Variants in UBR7 observed in about 807,000 individuals in gnomAD.
The protein encoded by UBR7 is putative E3 ubiquitin-protein ligase UBR7.
In UBR7, 22 loss-of-function variants were observed where a neutral mutation model predicts 57.0. That is an observed-to-expected ratio of 0.39 (90% CI 0.28 to 0.55). The LOEUF (loss-of-function observed/expected upper bound fraction) is 0.55, where lower values mean the gene tolerates loss of function less well. Ranked by LOEUF, UBR7 falls within the 20% of genes least tolerant of loss-of-function variation. UBR7 has a pLI of 0.69. For missense variants in UBR7, 395 were observed against 513.2 expected (o/e 0.77, Z 2.23); for synonymous variants, 167 against 179.8 (o/e 0.93, Z 0.57).
intron 6 of UBR7, among the ~76,000 whole-genome samples, chr14:93,215,505 A>G (rs1037485406): frequency 6.6e-6 from 1 of 152,142 alleles, no homozygotes. Context: ...CCTGGCCAAC[A>G]TGGCGAAACC....
rs998372358 is a variant in UBR7, at chr14:93,228,970, CTT to C, written c.*1941_*1942del. On this transcript the variant is annotated 3_prime_UTR_variant, in exon 11 of 11. Transcript: ENST00000013070. ...CTTCTTTCACATTAACTGGAAACCT[CTT>C]TTTTTACCTGTTGTTCACAACTAGT... is the stretch of plus-strand genomic sequence containing the variant. 1 of 453,890 alleles carries C rather than the reference CTT, an allele frequency of 2.2e-6. No homozygotes were observed. Among genetic ancestry groups the C allele is most frequent in the African/African-American group, 2.0e-5 (1 of 49,986 alleles). 28.1% of individuals were successfully genotyped at this position (453,890 alleles called of 1,614,324 possible).
At chr14:93,216,377 TAAATC>T (rs1292695436) in intron 6 of UBR7, among the ~76,000 whole-genome samples, 3 of 152,078 alleles carry the variant, frequency 2.0e-5, no homozygotes, top group Non-Finnish European at 4.4e-5. Flanking sequence ...ACTAAGAAAT[TAAATC>T]AAAACAACTA....
intron 10 of UBR7, chr14:93,223,761 G>A (rs376327091): frequency 1.3e-5 from 10 of 752,526 alleles, no homozygotes; most frequent in Middle Eastern, 3.6e-4. Context: ...TCAGGATCTC[G>A]ATGGAATGGG....
At chr14:93,210,798 C>A in intron 3 of UBR7, 90 bp downstream of exon 3, 2 of 1,122,754 alleles carry the variant, frequency 1.8e-6, no homozygotes, top group Non-Finnish European at 2.6e-6. Flanking sequence ...CTGTATTTTC[C>A]AAAAAAAGAA....
chr14:93,219,554 T>G (rs1221860117), intron 8 of UBR7, among the ~76,000 whole-genome samples, 193 bp downstream of exon 8: 1 of 152,244 alleles, frequency 6.6e-6, no homozygotes, highest in Non-Finnish European at 1.5e-5. Context: ...ATTTATGACA[T>G]AGTACTTACA....
At chr14:93,208,946 C>T (rs1238536043) in intron 1 of UBR7, among the ~76,000 whole-genome samples, 3 of 151,972 alleles carry the variant, frequency 2.0e-5, no homozygotes, top group African/African-American at 7.3e-5. Context: ...AACAGGCGCC[C>T]GCCATCACGT....
At position 93,212,429 on chromosome 14, in the gene UBR7, C is replaced by T. The variant is rs143642557; in HGVS notation, c.441+302C>T. Among the ~76,000 whole-genome samples the T allele has an allele frequency of 2.2e-3, 338 of 152,284 alleles. 9 individuals carry two copies. Among genetic ancestry groups the T allele is most frequent in the East Asian group, 0.02 (104 of 5,190 alleles). ...TCCCCAAACACTTTCTAAGAAATGA[C>T]CTTCAACTTCTTTTGTCTCTTTACG... On this transcript the variant is annotated intron_variant, in intron 4 of 10. Transcript: ENST00000013070.
intron 9 of UBR7, 88 bp from the exon 10 acceptor site, chr14:93,222,225 C>A: frequency 1.1e-6 from 1 of 890,124 alleles, no homozygotes. Context: ...ACATTATTAA[C>A]AGACTCAGGT....
chr14:93,223,398 A>AG (rs1261256916), intron 10 of UBR7, among the ~76,000 whole-genome samples: 94 of 150,458 alleles, frequency 6.2e-4, no homozygotes, highest in African/African-American at 2.2e-3. Flanking sequence ...CCATCTCAAA[A>AG]AAAAAAAAAA....
chr14:93,222,385 T>C lies in UBR7; in HGVS notation c.1185+11T>C, dbSNP rs1342583658. On this transcript the variant is annotated intron_variant, in intron 10 of 10. Transcript: ENST00000013070. ...GCTGATGAAGGCACGGTATGTTGAG[T>C]TAAAGAATTCTAATCATAGCCCTGT... 1.9e-6 allele frequency: 3 copies of C among 1,582,368 alleles called. No homozygotes were observed. Among genetic ancestry groups the C allele is most frequent in the African/African-American group, 2.7e-5 (2 of 74,278 alleles).
chr14:93,209,964 A>G lies in UBR7; in HGVS notation c.284+7A>G. On this transcript the variant is annotated splice_region_variant and intron_variant, in intron 2 of 10. Coordinates refer to ENST00000013070, the MANE Select transcript of UBR7 (RefSeq NM_175748.4). ...TTGAGCTATACACAAAAAGGTAAAC[A>G]TAGTCAAGAGATTGTTACTAAATGC... 2 of 1,613,824 alleles carry G rather than the reference A, an allele frequency of 1.2e-6. No individual in the cohort carries two copies. Among genetic ancestry groups the G allele is most frequent in the South Asian group, 2.2e-5 (2 of 91,078 alleles).
At chr14:93,207,487 C>G (rs1344972661) in intron 1 of UBR7, 46 bp downstream of exon 1, 12 of 1,501,130 alleles carry the variant, frequency 8.0e-6, no homozygotes, top group African/African-American at 1.4e-5. Context: ...CCCGCCGAAC[C>G]TCCCCTTCCC....
intron 6 of UBR7, among the ~76,000 whole-genome samples, chr14:93,215,860 T>C (rs1894580741): frequency 6.6e-6 from 1 of 152,110 alleles, no homozygotes; most frequent in South Asian, 2.1e-4. Context: ...TTTTGAAAGA[T>C]AAATAGAACT....
chr14:93,224,646 G>A (rs1894807100), intron 10 of UBR7, among the ~76,000 whole-genome samples: 1 of 152,118 alleles, frequency 6.6e-6, no homozygotes, highest in African/African-American at 2.4e-5. Context: ...CAAAGTGCTG[G>A]GATTACAGGC....
chr14:93,222,675 G>A (rs549840678), intron 10 of UBR7, among the ~76,000 whole-genome samples: 5 of 152,052 alleles, frequency 3.3e-5, no homozygotes, highest in South Asian at 4.2e-4. Flanking sequence ...CCCAGGAGGC[G>A]GAGGTTGTAG....
In UBR7 at chr14:93,219,415, A is replaced by T. The variant is rs1595268640; in HGVS notation, c.960+54A>T. 4 of 1,606,708 alleles carry T rather than the reference A, an allele frequency of 2.5e-6. No homozygotes were observed. The South Asian group carries it at 4.4e-5, about 18-fold the overall frequency. ...GCATGTTTTGTGTACTGGTGCCCCA[A>T]AATAAGAACACCTGGGGAAAACATT... On this transcript the variant is annotated intron_variant, in intron 8 of 10. Transcript: ENST00000013070.
In UBR7 at chr14:93,227,372, G is replaced by T; in HGVS notation, c.*337G>T. ...TTAATGATCTGTTATTTCACTCCCA[G>T]ATGTGTGTGTTTTGCCACAGAGCTG... On this transcript the variant is annotated 3_prime_UTR_variant, in exon 11 of 11. Coordinates refer to ENST00000013070, the MANE Select transcript of UBR7 (RefSeq NM_175748.4). 1 of 637,114 alleles carries T rather than the reference G, an allele frequency of 1.6e-6. No individual in the cohort carries two copies. The highest frequency in any genetic ancestry group is 2.9e-6 in the Non-Finnish European group (1 of 345,464). 39.5% of individuals were successfully genotyped at this position (637,114 alleles called of 1,614,324 possible).
At chr14:93,210,285 G>A (rs1200903418) in intron 2 of UBR7, among the ~76,000 whole-genome samples, 80 of 151,986 alleles carry the variant, frequency 5.3e-4, no homozygotes, top group Non-Finnish European at 3.5e-4. Flanking sequence ...GTGTTTCACC[G>A]AGTTAGCCAG....
chr14:93,220,080 A>T (rs1010179634), intron 8 of UBR7, among the ~76,000 whole-genome samples, 169 bp from the exon 9 acceptor site: 1 of 152,232 alleles, frequency 6.6e-6, no homozygotes, highest in African/African-American at 2.4e-5. Context: ...TTAGGCAAAA[A>T]GAATAAATCC....
Sources: allele counts gnomAD v4.1 joint callset (sites outside exome capture counted in the v4.1 genomes callset), GRCh38; gene constraint gnomAD v4.1.1; transcripts MANE v1.5; gene names NCBI Gene and HGNC (gene_info 2026-07-23, HGNC 2026-07-21).